Variants in ERC2 observed in about 807,000 individuals in gnomAD.
ERC2 encodes ERC protein 2.
ERC2 carries 42 observed loss-of-function variants against 114.8 expected under a neutral mutation model. The ratio of observed to expected loss-of-function variants is 0.37; its 90% CI spans 0.29 to 0.47. The LOEUF is 0.47. ERC2 is among the 20% of genes least tolerant of loss of function. The pLI, the probability that ERC2 is intolerant of heterozygous loss-of-function variation, is 0.99. For synonymous variants in ERC2, 454 were observed against 425.5 expected (o/e 1.07, Z -0.82); for missense variants, 939 against 1,150.7 (o/e 0.82, Z 2.66).
intron 7 of ERC2, among the ~76,000 whole-genome samples, chr3:56,033,428 A>G (rs1203189948): frequency 2.6e-5 from 4 of 152,124 alleles, no homozygotes; most frequent in Non-Finnish European, 4.4e-5. Context: ...TTATATTTTC[A>G]TGTTTTGGTT....
intron 14 of ERC2, among the ~76,000 whole-genome samples, chr3:55,766,403 G>A (rs1320608429): frequency 6.6e-6 from 1 of 152,162 alleles, no homozygotes; most frequent in African/African-American, 2.4e-5. Context: ...CTGTCGCCCA[G>A]GCTGGAGTAC....
intron 3 of ERC2, among the ~76,000 whole-genome samples, chr3:56,249,627 A>G (rs2051990350): frequency 6.6e-6 from 1 of 151,196 alleles, no homozygotes; most frequent in African/African-American, 2.4e-5. Context: ...TGCCCGGCCT[A>G]ATTCACCTGT....
chr3:56,190,064 G>T (rs181427475), intron 3 of ERC2, among the ~76,000 whole-genome samples: 46 of 152,278 alleles, frequency 3.0e-4, no homozygotes, highest in Non-Finnish European at 6.2e-4. Context: ...ATGAGGCTAA[G>T]CGACAAAATT....
intron 2 of ERC2, among the ~76,000 whole-genome samples, chr3:56,306,575 T>G (rs543858648): frequency 6.6e-6 from 1 of 152,258 alleles, no homozygotes; most frequent in East Asian, 1.9e-4. Flanking sequence ...AAATAGAAAC[T>G]GAGAAGCACT....
intron 14 of ERC2, among the ~76,000 whole-genome samples, chr3:55,809,291 C>A (rs1441846387): frequency 6.6e-6 from 1 of 152,084 alleles, no homozygotes; most frequent in Non-Finnish European, 1.5e-5. Context: ...TATCTATCAC[C>A]TGGGAATTTA....
chr3:56,265,879 A>C (rs1319790141), intron 3 of ERC2, among the ~76,000 whole-genome samples: 1 of 151,428 alleles, frequency 6.6e-6, no homozygotes, highest in Non-Finnish European at 1.5e-5. Context: ...AAATACAAAA[A>C]TTAGCCAGGT....
chr3:55,971,620 G>T (rs2069162339), intron 12 of ERC2, among the ~76,000 whole-genome samples: 2 of 152,170 alleles, frequency 1.3e-5, no homozygotes, highest in Non-Finnish European at 2.9e-5. Flanking sequence ...GAAGAAGGGG[G>T]CTGGAGAGAG....
chr3:56,045,773 A>T (rs1175079514), intron 7 of ERC2, among the ~76,000 whole-genome samples: 3 of 152,160 alleles, frequency 2.0e-5, no homozygotes, highest in Non-Finnish European at 4.4e-5. Context: ...TGATGGGTGG[A>T]CAGAAAGCCC....
At chr3:56,399,225 A>G (rs535913157) in intron 2 of ERC2, among the ~76,000 whole-genome samples, 6 of 152,348 alleles carry the variant, frequency 3.9e-5, no homozygotes, top group South Asian at 4.1e-4. Context: ...AAATGCTTCA[A>G]TCCAAAACCA....
intron 12 of ERC2, among the ~76,000 whole-genome samples, chr3:55,976,292 C>A (rs1240646066): frequency 1.3e-5 from 2 of 152,112 alleles, no homozygotes; most frequent in Non-Finnish European, 2.9e-5. Context: ...GAAAACCCAT[C>A]CTGGGTCCAA....
intron 15 of ERC2, among the ~76,000 whole-genome samples, chr3:55,733,835 T>G (rs1481038714): frequency 6.6e-6 from 1 of 152,150 alleles, no homozygotes; most frequent in East Asian, 1.9e-4. Flanking sequence ...ATGGTTACTG[T>G]GTGGCCATTA....
intron 14 of ERC2, among the ~76,000 whole-genome samples, chr3:55,758,318 G>T (rs116689055): frequency 3.2e-4 from 49 of 152,338 alleles, no homozygotes; most frequent in African/African-American, 1.2e-3. Flanking sequence ...GCCGAATCAT[G>T]AGACTTGGGT....
chr3:56,016,260 T>A (rs1405240746), intron 8 of ERC2, among the ~76,000 whole-genome samples: 2 of 152,052 alleles, frequency 1.3e-5, no homozygotes, highest in East Asian at 3.9e-4. Flanking sequence ...CTTTAGACAT[T>A]TTCATCATGA....
At chr3:56,262,507 T>C (rs946543299) in intron 3 of ERC2, among the ~76,000 whole-genome samples, 13 of 152,208 alleles carry the variant, frequency 8.5e-5, no homozygotes, top group African/African-American at 3.1e-4. Flanking sequence ...TTTGGCAAAC[T>C]GATTCTCTTT....
At chr3:55,821,877 C>T (rs910606731) in intron 14 of ERC2, among the ~76,000 whole-genome samples, 2 of 152,246 alleles carry the variant, frequency 1.3e-5, no homozygotes, top group African/African-American at 4.8e-5. Context: ...AGAAGTCCCA[C>T]ACCTTGCCTA....
chr3:55,543,496 G>A (rs2107356818), intron 17 of ERC2, among the ~76,000 whole-genome samples: 1 of 152,320 alleles, frequency 6.6e-6, no homozygotes, highest in South Asian at 2.1e-4. Context: ...CACAAACGAG[G>A]CCTAGTGGCC....
chr3:55,875,411 G>A (rs1362165042), intron 14 of ERC2, among the ~76,000 whole-genome samples: 1 of 152,220 alleles, frequency 6.6e-6, no homozygotes, highest in Non-Finnish European at 1.5e-5. Flanking sequence ...CAGACTCTCA[G>A]AGTTGGCCTC....
At chr3:55,694,510 A>C (rs2062831661) in intron 16 of ERC2, among the ~76,000 whole-genome samples, 1 of 152,246 alleles carries the variant, frequency 6.6e-6, no homozygotes, top group Non-Finnish European at 1.5e-5. Flanking sequence ...GGTTTTCTGT[A>C]AGTAAAATGT....
intron 17 of ERC2, among the ~76,000 whole-genome samples, chr3:55,610,117 T>C (rs947594510): frequency 4.0e-5 from 6 of 150,500 alleles, no homozygotes; most frequent in Non-Finnish European, 1.5e-5. Flanking sequence ...TTTTTAACCT[T>C]GACACTTGAA....
Sources: allele counts gnomAD v4.1 joint callset (sites outside exome capture counted in the v4.1 genomes callset), GRCh38; gene constraint gnomAD v4.1.1; transcripts MANE v1.5; gene names NCBI Gene and HGNC (gene_info 2026-07-23, HGNC 2026-07-21).